Variants in GLDC observed in about 807,000 individuals in gnomAD.
The protein encoded by GLDC is glycine dehydrogenase (decarboxylating), mitochondrial.
GLDC carries 104 observed loss-of-function variants against 121.3 expected under a neutral mutation model. That is an observed-to-expected ratio of 0.86 (90% confidence interval 0.73 to 1.01). GLDC has a LOEUF of 1.01. GLDC is among the 50% of genes least tolerant of loss of function. The probability of loss-of-function intolerance (pLI) is 0.00; values close to 1 mark genes in which losing one functional copy is unlikely to be tolerated. For missense variants in GLDC, 1,429 were observed against 1,306.6 expected (o/e 1.09, Z -1.44); for synonymous variants, 546 against 480.6 (o/e 1.14, Z -1.78).
At chr9:6,619,317 T>A (rs1819032817) in intron 3 of GLDC, among the ~76,000 whole-genome samples, 1 of 152,158 alleles carries the variant, frequency 6.6e-6, no homozygotes, top group Non-Finnish European at 1.5e-5. Context: ...TAGAAAGTGC[T>A]AGCAATAAAG....
chr9:6,616,926 A>G (rs898148827), intron 3 of GLDC, among the ~76,000 whole-genome samples: 2 of 152,256 alleles, frequency 1.3e-5, no homozygotes, highest in Non-Finnish European at 2.9e-5. Context: ...TGACAAAAAT[A>G]TACCAAACAG....
At chr9:6,593,018 T>A (rs1818408746) in intron 9 of GLDC, 28 bp from the exon 10 acceptor site, 1 of 1,613,034 alleles carries the variant, frequency 6.2e-7, no homozygotes. Flanking sequence ...TCCCCCAAAC[T>A]CTCATATAGA....
chr9:6,565,475 T>G (rs1238346412), intron 15 of GLDC, 46 bp from the exon 16 acceptor site: 2 of 1,413,044 alleles, frequency 1.4e-6, no homozygotes, highest in East Asian at 4.6e-5. Context: ...TCTTCTGGCT[T>G]TCATTTACTC....
At chr9:6,552,554 CT>C (rs969415797) in intron 20 of GLDC, among the ~76,000 whole-genome samples, 7 of 152,278 alleles carry the variant, frequency 4.6e-5, no homozygotes, top group Admixed American at 4.6e-4. Context: ...AAATGCCATG[CT>C]GTTCCAGAAA....
chr9:6,632,261 T>C (rs1819399749), intron 2 of GLDC, among the ~76,000 whole-genome samples: 1 of 152,226 alleles, frequency 6.6e-6, no homozygotes, highest in African/African-American at 2.4e-5. Flanking sequence ...GCATAAATTG[T>C]TCTCACATTT....
In GLDC at chr9:6,588,603, G is replaced by C; in HGVS notation, c.1665+15C>G. On this transcript the variant is annotated intron_variant, in intron 13 of 24. Coordinates refer to ENST00000321612, the MANE Select transcript of GLDC (RefSeq NM_000170.3). ...GGGTAGCTTGGAAATGAGAAAAAAG[G>C]CCACAAATAACTACCAGTGGAATCA... The C allele has an allele frequency of 6.3e-7, 1 of 1,590,286 alleles. No individual in the cohort carries two copies. The highest frequency in any genetic ancestry group is 8.6e-7 in the Non-Finnish European group (1 of 1,158,292).
chr9:6,599,414 G>T, intron 8 of GLDC, among the ~76,000 whole-genome samples: 1 of 151,942 alleles, frequency 6.6e-6, no homozygotes, highest in East Asian at 1.9e-4. Context: ...TACAGAAAGT[G>T]AGGCCACCAT....
Position 6,645,550 on chromosome 9 carries a change from TG to T in GLDC, c.-52del. The T allele has an allele frequency of 2.4e-6, 3 of 1,260,092 alleles. No individual in the cohort carries two copies. Among genetic ancestry groups the T allele is most frequent in the South Asian group, 2.2e-5 (1 of 45,054 alleles). 78.1% of individuals were successfully genotyped at this position (1,260,092 alleles called of 1,614,324 possible). A position where few individuals can be genotyped will look rare whatever the true frequency, so the allele number is the denominator to read the frequency against. On this transcript the variant is annotated 5_prime_UTR_variant, in exon 1 of 25. Coordinates refer to ENST00000321612, the MANE Select transcript of GLDC (RefSeq NM_000170.3). ...GGCCCGCAAGGGTCAGCCGCGCTCTTGGCCCCTCTCCTGGCCTCGGTCCCCC... is the reference window on the plus strand; with the variant it reads ...GGCCCGCAAGGGTCAGCCGCGCTCTTGCCCCTCTCCTGGCCTCGGTCCCCC...
chr9:6,613,648 G>A (rs1041408328), intron 3 of GLDC, among the ~76,000 whole-genome samples: 2 of 151,976 alleles, frequency 1.3e-5, no homozygotes, highest in Non-Finnish European at 2.9e-5. Context: ...TTTATTTAAC[G>A]AGTTCCTTCC....
rs749852046 is a variant in GLDC at position 6,540,116 on chromosome 9, G to C, written c.2600C>G (p.Thr867Arg). Reference sequence around the variant, plus strand: ...ATTTGCAGACTTTTTGAAGGGTCTCGTGTCCAAAATAAATTCATGACCCAC... The same window carrying C: ...ATTTGCAGACTTTTTGAAGGGTCTCCTGTCCAAAATAAATTCATGACCCAC... The part of the protein sequence containing the change: ...GYVGHEFILD[T>R]RPFKKSANIE... The change falls in exon 22 of 25, where the codon ACG becomes AGG. Residue 867 changes from threonine to arginine, a missense_variant. Thr to Arg is a moderately conservative substitution (Grantham distance 71). Transcript: ENST00000321612. 4 of 1,612,644 alleles carry C rather than the reference G, an allele frequency of 2.5e-6. No individual in the cohort carries two copies. Among genetic ancestry groups the C allele is most frequent in the Non-Finnish European group, 3.4e-6 (4 of 1,178,674 alleles).
intron 2 of GLDC, among the ~76,000 whole-genome samples, chr9:6,621,813 G>A (rs572707986): frequency 1.4e-3 from 219 of 152,272 alleles, no homozygotes; most frequent in African/African-American, 5.2e-3. Context: ...ACCGCGCCCT[G>A]CCACTGAAGG....
intron 4 of GLDC, among the ~76,000 whole-genome samples, chr9:6,609,376 T>C (rs1438788817): frequency 2.6e-5 from 4 of 152,196 alleles, no homozygotes; most frequent in Non-Finnish European, 5.9e-5. Flanking sequence ...GGCACTTCCA[T>C]GTAAGTGCCA....
intron 15 of GLDC, among the ~76,000 whole-genome samples, chr9:6,581,510 C>T (rs1216965787): frequency 6.6e-6 from 1 of 152,214 alleles, no homozygotes; most frequent in Non-Finnish European, 1.5e-5. Flanking sequence ...GCGTCTCTGA[C>T]AGACAGTTAC....
At chr9:6,572,967 T>C (rs1276217755) in intron 15 of GLDC, among the ~76,000 whole-genome samples, 5 of 152,160 alleles carry the variant, frequency 3.3e-5, no homozygotes, top group Non-Finnish European at 7.4e-5. Flanking sequence ...CCCGGGAGTT[T>C]CTCTCACCTC....
At chr9:6,634,641 C>A (rs7029245) in intron 2 of GLDC, among the ~76,000 whole-genome samples, 34,669 of 152,060 alleles carry the variant, frequency 0.23, 4,014 homozygotes, top group South Asian at 0.3. Context: ...CAGACTCATT[C>A]ATTCTCTGGA....
chr9:6,554,770 A>T lies in GLDC; in HGVS notation c.2214T>A (p.Cys738Ter). ...GANMNAQVGI[C>*]RPGDFGSDVS... ...CATCAGACCCGAAGTCTCCAGGGCG[A>T]CAGATTCCCACCTACCACAAAGGCA... The change falls in exon 19 of 25, where the codon TGT (cysteine) becomes TGA (stop). Residue 738 changes from cysteine (C) to a stop codon, truncating the protein, a stop_gained. Coordinates refer to ENST00000321612, the MANE Select transcript of GLDC (RefSeq NM_000170.3). LOFTEE classifies it high-confidence loss of function. 1 of 1,612,198 alleles carries T rather than the reference A, an allele frequency of 6.2e-7. No individual in the cohort carries two copies. The highest frequency in any genetic ancestry group is 8.5e-7 in the Non-Finnish European group (1 of 1,179,100).
chr9:6,600,474 T>G (rs971669122), intron 8 of GLDC, among the ~76,000 whole-genome samples: 11 of 152,064 alleles, frequency 7.2e-5, no homozygotes, highest in African/African-American at 2.2e-4. Context: ...GTCAGGCGTT[T>G]GAGACCAGCC....
chr9:6,611,273 C>T (rs956735104), intron 3 of GLDC, among the ~76,000 whole-genome samples: 1 of 152,260 alleles, frequency 6.6e-6, no homozygotes, highest in African/African-American at 2.4e-5. Flanking sequence ...TTAGTTCCTT[C>T]ATCCTTACAG....
intron 3 of GLDC, among the ~76,000 whole-genome samples, chr9:6,610,816 T>C (rs1359988892): frequency 6.6e-6 from 1 of 152,210 alleles, no homozygotes. Flanking sequence ...CCCAAGCTGG[T>C]CTTGAACTCC....
Sources: gnomAD v4.1 joint callset for allele counts (sites outside exome capture counted in the v4.1 genomes callset) on GRCh38, gnomAD v4.1.1 for gene constraint, MANE v1.5 for transcripts, NCBI Gene and HGNC (gene_info 2026-07-23, HGNC 2026-07-21) for gene names.